The following PROS1 variants were observed in gnomAD, a reference collection of about 807,000 sequenced individuals.
PROS1 encodes the protein protein S, also known as vitamin K-dependent protein S.
A neutral mutation model predicts 75.9 loss-of-function variants in PROS1; 29 were observed. That is an observed-to-expected ratio of 0.38 (90% confidence interval 0.28 to 0.52). The LOEUF (loss-of-function observed/expected upper bound fraction) is 0.52, where lower values mean the gene tolerates loss of function less well. Among genes scored for constraint, PROS1 ranks in the 20% least tolerant of loss-of-function variants. The pLI is 0.83. For synonymous variants in PROS1, 245 were observed against 280.6 expected (o/e 0.87, Z 1.27); for missense variants, 680 against 810.3 (o/e 0.84, Z 1.95).
chr3:93,940,788 G>C (rs1230365650), intron 1 of PROS1, among the ~76,000 whole-genome samples: 1 of 152,128 alleles, frequency 6.6e-6, no homozygotes, highest in South Asian at 2.1e-4. Context: ...ATTAAAGCCT[G>C]TTATCACTCA....
intron 2 of PROS1, among the ~76,000 whole-genome samples, chr3:93,927,019 T>C (rs539947069): frequency 6.6e-6 from 1 of 152,364 alleles, no homozygotes; most frequent in South Asian, 2.1e-4. Context: ...TAATGAGGTG[T>C]AACTGAACTA....
At chr3:93,927,502 A>C in intron 1 of PROS1, 95 bp from the exon 2 acceptor site, 1 of 1,315,044 alleles carries the variant, frequency 7.6e-7, no homozygotes, top group Non-Finnish European at 1.0e-6. Context: ...TTTTCTGCCT[A>C]TGAATTGTAT....
chr3:93,935,110 T>C (rs1389307944), intron 1 of PROS1, among the ~76,000 whole-genome samples: 1 of 152,190 alleles, frequency 6.6e-6, no homozygotes, highest in African/African-American at 2.4e-5. Context: ...ATTTCTTTTA[T>C]TTGAATTGTT....
At position 93,884,839 on chromosome 3, in the gene PROS1, A is replaced by G; in HGVS notation, c.1381T>C (p.Ser461Pro). Residue 461 changes from serine to proline, a missense_variant, in exon 12 of 15, where the codon TCT becomes CCT. Ser to Pro is a moderately conservative substitution (Grantham distance 74). Transcript: ENST00000394236. ...TCTTGAATAATTTCCTTTATTCCAG[A>G]AGCTCCTTGCTTCATCAAATTCCAG... ...RSWNLMKQGASGIKEIIQEKQ... is the reference protein window; with the variant it reads ...RSWNLMKQGAPGIKEIIQEKQ... The G allele has an allele frequency of 6.2e-7, 1 of 1,613,588 alleles. No individual in the cohort carries two copies. Among genetic ancestry groups the G allele is most frequent in the Non-Finnish European group, 8.5e-7 (1 of 1,179,774 alleles).
At chr3:93,875,415 G>C (rs1418050103) in intron 14 of PROS1, among the ~76,000 whole-genome samples, 1 of 151,942 alleles carries the variant, frequency 6.6e-6, no homozygotes, top group Non-Finnish European at 1.5e-5. Flanking sequence ...AAGACATTTT[G>C]CCTGAAGTTA....
intron 6 of PROS1, among the ~76,000 whole-genome samples, chr3:93,902,773 A>C (rs1576185207): frequency 6.6e-6 from 1 of 152,134 alleles, no homozygotes; most frequent in East Asian, 1.9e-4. Flanking sequence ...AAGAAGAAGA[A>C]GAAAAGAAAA....
chr3:93,951,472 A>C (rs375043991), intron 1 of PROS1, among the ~76,000 whole-genome samples: 1 of 152,198 alleles, frequency 6.6e-6, no homozygotes, highest in South Asian at 2.1e-4. Context: ...TTTTCAACCC[A>C]AAATTTTATA....
At chr3:93,917,278 TTTG>T (rs1364131574) in intron 3 of PROS1, among the ~76,000 whole-genome samples, 2 of 123,290 alleles carry the variant, frequency 1.6e-5, no homozygotes, top group South Asian at 2.7e-4. Context: ...TGTTTTTTTG[TTTG>T]TTTGTTTTGT....
At chr3:93,947,584 T>TC (rs1271345260) in intron 1 of PROS1, among the ~76,000 whole-genome samples, 1 of 152,058 alleles carries the variant, frequency 6.6e-6, no homozygotes, top group Non-Finnish European at 1.5e-5. Flanking sequence ...CTTTTTTTTT[T>TC]CTGAGACAGT....
At chr3:93,944,510 A>G (rs1479978720) in intron 1 of PROS1, among the ~76,000 whole-genome samples, 2 of 152,146 alleles carry the variant, frequency 1.3e-5, no homozygotes, top group African/African-American at 4.8e-5. Flanking sequence ...CTCACTCAAA[A>G]CCACTCAACT....
intron 12 of PROS1, among the ~76,000 whole-genome samples, chr3:93,883,945 A>G (rs1708310045): frequency 6.6e-6 from 1 of 152,168 alleles, no homozygotes; most frequent in South Asian, 2.1e-4. Flanking sequence ...GTGAGACTCC[A>G]TCTCAAAAAC....
intron 1 of PROS1, among the ~76,000 whole-genome samples, chr3:93,947,353 T>G (rs751563537): frequency 2.6e-5 from 4 of 151,914 alleles, no homozygotes; most frequent in Non-Finnish European, 4.4e-5. Context: ...ACAGTTTAAG[T>G]CTCCCTCTCT....
chr3:93,881,813 C>T (rs568146444), intron 12 of PROS1, among the ~76,000 whole-genome samples: 33 of 152,134 alleles, frequency 2.2e-4, no homozygotes, highest in Non-Finnish European at 4.0e-4. Context: ...GGGATCTGCC[C>T]GCCTCAGCCT....
At chr3:93,969,122 CTTTTTTTTTT>C (rs773990991) in intron 1 of PROS1, among the ~76,000 whole-genome samples, 3 of 114,336 alleles carry the variant, frequency 2.6e-5, no homozygotes, top group Non-Finnish European at 3.7e-5. Context: ...CTTTTGTTTT[CTTTTTTTTTT>C]TTTTTTTTTG....
intron 7 of PROS1, among the ~76,000 whole-genome samples, chr3:93,899,369 A>G (rs185282583): frequency 1.8e-4 from 27 of 152,248 alleles, no homozygotes; most frequent in Admixed American, 1.7e-3. Flanking sequence ...AAATGCTATT[A>G]TTGAATATGT....
At chr3:93,877,735 T>C (rs1330435208) in intron 13 of PROS1, among the ~76,000 whole-genome samples, 1 of 152,212 alleles carries the variant, frequency 6.6e-6, no homozygotes, top group Non-Finnish European at 1.5e-5. Flanking sequence ...TACCAGAAGA[T>C]TCTACAGAAA....
At chr3:93,901,816 T>A (rs149448884) in intron 6 of PROS1, among the ~76,000 whole-genome samples, 179 of 152,314 alleles carry the variant, frequency 1.2e-3, no homozygotes, top group African/African-American at 3.9e-3. Flanking sequence ...TACTATCATT[T>A]TGTAAACTCT....
chr3:93,879,456 A>G, intron 12 of PROS1, 142 bp from the exon 13 acceptor site: 1 of 1,207,924 alleles, frequency 8.3e-7, no homozygotes, highest in Non-Finnish European at 1.2e-6. Flanking sequence ...GATCTATATA[A>G]CCTAGGCAAA....
At chr3:93,902,332 T>C (rs1366362511) in intron 6 of PROS1, among the ~76,000 whole-genome samples, 2 of 152,080 alleles carry the variant, frequency 1.3e-5, no homozygotes, top group African/African-American at 4.8e-5. Context: ...ATAAAATCAG[T>C]AAAAATATGT....
Sources: allele counts gnomAD v4.1 joint callset (sites outside exome capture counted in the v4.1 genomes callset), GRCh38; gene constraint gnomAD v4.1.1; transcripts MANE v1.5; gene names NCBI Gene and HGNC (gene_info 2026-07-23, HGNC 2026-07-21).